The following AGBL1 variants were observed in gnomAD, a reference collection of about 807,000 sequenced individuals.
The protein encoded by AGBL1 is AGBL carboxypeptidase 1.
Under a neutral mutation model 118.9 loss-of-function variants are expected in AGBL1, and 130 were observed. The ratio of observed to expected loss-of-function variants is 1.09; its 90% CI spans 0.95 to 1.26. The LOEUF (loss-of-function observed/expected upper bound fraction) is 1.26. Among genes scored for constraint, AGBL1 ranks in the 50% most tolerant of loss-of-function variants. The pLI is 0.00. For synonymous variants in AGBL1, 555 were observed against 478.9 expected (o/e 1.16, Z -2.08); for missense variants, 1,584 against 1,298.1 (o/e 1.22, Z -3.38).
intron 18 of AGBL1, among the ~76,000 whole-genome samples, chr15:86,428,192 A>G (rs1427490329): frequency 6.6e-6 from 1 of 152,188 alleles, no homozygotes; most frequent in Admixed American, 6.5e-5. Context: ...ATTTTACATA[A>G]ATCCAAATGA....
intron 22 of AGBL1, among the ~76,000 whole-genome samples, chr15:86,810,266 C>T (rs2078770006): frequency 6.6e-6 from 1 of 152,132 alleles, no homozygotes; most frequent in Non-Finnish European, 1.5e-5. Context: ...TGGCTCAAAG[C>T]TATTCCTTTT....
chr15:86,338,673 C>T (rs1029250665), intron 17 of AGBL1, among the ~76,000 whole-genome samples: 5 of 152,008 alleles, frequency 3.3e-5, no homozygotes, highest in South Asian at 4.2e-4. Flanking sequence ...GGACAAAGGA[C>T]GTGCAAGAAA....
chr15:86,536,172 C>G (rs2083423483), intron 19 of AGBL1, among the ~76,000 whole-genome samples: 1 of 152,072 alleles, frequency 6.6e-6, no homozygotes, highest in Non-Finnish European at 1.5e-5. Context: ...TTTACTGACA[C>G]AAAAAAACTA....
At chr15:86,262,626 T>C (rs1208903914) in intron 9 of AGBL1, 152 bp from the exon 10 acceptor site, 1 of 696,226 alleles carries the variant, frequency 1.4e-6, no homozygotes, top group Non-Finnish European at 2.6e-6. Context: ...CAATCCAGCA[T>C]AACAAATTCT....
intron 18 of AGBL1, among the ~76,000 whole-genome samples, chr15:86,462,424 C>G (rs1255668338): frequency 1.3e-5 from 2 of 151,912 alleles, no homozygotes; most frequent in African/African-American, 4.8e-5. Flanking sequence ...TCATTTCTTT[C>G]TTTCTTTTTT....
At chr15:86,142,917 A>G (rs530530206) in intron 2 of AGBL1, among the ~76,000 whole-genome samples, 1 of 152,326 alleles carries the variant, frequency 6.6e-6, no homozygotes, top group East Asian at 1.9e-4. Context: ...AGAGAATGCT[A>G]CTTTTCATTA....
chr15:86,799,655 A>G, intron 22 of AGBL1, among the ~76,000 whole-genome samples: 1 of 152,152 alleles, frequency 6.6e-6, no homozygotes, highest in Middle Eastern at 3.2e-3. Flanking sequence ...GAAATTGAAT[A>G]AGTAATTTGA....
At chr15:86,717,504 T>C (rs1567137797) in intron 22 of AGBL1, among the ~76,000 whole-genome samples, 2 of 152,120 alleles carry the variant, frequency 1.3e-5, no homozygotes, top group Non-Finnish European at 2.9e-5. Flanking sequence ...ATTTAGTTCT[T>C]CCATTACAAT....
intron 21 of AGBL1, among the ~76,000 whole-genome samples, chr15:86,563,964 T>G (rs1352594411): frequency 1.3e-5 from 2 of 152,222 alleles, no homozygotes; most frequent in Non-Finnish European, 2.9e-5. Context: ...CCCTGCCTTT[T>G]TTGTTTTCCA....
rs140331206 is a variant in AGBL1 at position 86,143,428 on chromosome 15, T to G, written c.116-271T>G. ...CATGTATACATACATATACTGAATA[T>G]TCAACAGAATCTCAGATAAGCTCTA... On this transcript the variant is annotated intron_variant, in intron 2 of 22. Coordinates refer to ENST00000614907, the MANE Select transcript of AGBL1 (RefSeq NM_001386094.1). Among the ~76,000 whole-genome samples, 679 of 152,338 alleles carry G rather than the reference T, an allele frequency of 4.5e-3. 4 individuals carry two copies. Among genetic ancestry groups the G allele is most frequent in the African/African-American group, 0.016 (653 of 41,576 alleles).
chr15:86,597,993 T>C (rs2084435610), intron 21 of AGBL1, among the ~76,000 whole-genome samples: 1 of 152,144 alleles, frequency 6.6e-6, no homozygotes, highest in Non-Finnish European at 1.5e-5. Context: ...GAGGTTGTGG[T>C]ATAGCTTTCT....
chr15:87,031,226 C>CTTAA (rs2081779485), downstream of AGBL1, among the ~76,000 whole-genome samples: 1 of 151,742 alleles, frequency 6.6e-6, no homozygotes, highest in Non-Finnish European at 1.5e-5. Context: ...CATTTTTTTC[C>CTTAA]TTAATTTTTT....
intron 5 of AGBL1, among the ~76,000 whole-genome samples, chr15:86,161,272 C>A (rs1373999388): frequency 6.6e-6 from 1 of 152,170 alleles, no homozygotes; most frequent in Non-Finnish European, 1.5e-5. Context: ...TTCCACCAAC[C>A]GTTACAATAT....
intron 20 of AGBL1, among the ~76,000 whole-genome samples, chr15:86,547,639 C>G (rs1331774311): frequency 1.3e-5 from 2 of 152,030 alleles, no homozygotes; most frequent in Non-Finnish European, 2.9e-5. Context: ...GACAGGTATG[C>G]CAGTTTCTGC....
chr15:86,937,399 A>G (rs1369734425), intron 23 of AGBL1, among the ~76,000 whole-genome samples: 1 of 152,232 alleles, frequency 6.6e-6, no homozygotes, highest in African/African-American at 2.4e-5. Context: ...CATGGAATCA[A>G]TCTAAATGCT....
At chr15:86,601,279 T>A (rs998585246) in intron 21 of AGBL1, among the ~76,000 whole-genome samples, 4 of 152,204 alleles carry the variant, frequency 2.6e-5, no homozygotes, top group African/African-American at 9.6e-5. Context: ...TTAAGGGTTA[T>A]CAAATCCTCA....
At chr15:86,850,069 T>G (rs534245562) in intron 22 of AGBL1, among the ~76,000 whole-genome samples, 1 of 152,302 alleles carries the variant, frequency 6.6e-6, no homozygotes, top group South Asian at 2.1e-4. Flanking sequence ...TGTGCTGGTG[T>G]GTTGCTCAAT....
At chr15:86,158,535 C>G (rs34146646) in intron 4 of AGBL1, among the ~76,000 whole-genome samples, 4 of 152,136 alleles carry the variant, frequency 2.6e-5, no homozygotes, top group Non-Finnish European at 1.5e-5. Context: ...GTTGGAGAGA[C>G]GCTGGGGCAT....
intron 22 of AGBL1, among the ~76,000 whole-genome samples, chr15:86,720,350 A>G (rs1387754773): frequency 6.6e-6 from 1 of 152,160 alleles, no homozygotes; most frequent in Non-Finnish European, 1.5e-5. Context: ...CTCTTCAGTT[A>G]TGTTTACTTT....
Sources: allele counts gnomAD v4.1 joint callset (sites outside exome capture counted in the v4.1 genomes callset), GRCh38; gene constraint gnomAD v4.1.1; transcripts MANE v1.5; gene names NCBI Gene and HGNC (gene_info 2026-07-23, HGNC 2026-07-21).